The following NR3C2 variants were observed in gnomAD, a reference collection of about 807,000 sequenced individuals.
NR3C2 encodes nuclear receptor subfamily 3 group C member 2.
Under a neutral mutation model 86.4 loss-of-function variants are expected in NR3C2, and 15 were observed. That is an observed-to-expected ratio of 0.17 (90% CI 0.12 to 0.27). The LOEUF is 0.27. Ranked by LOEUF, NR3C2 falls within the 10% of genes least tolerant of loss-of-function variation. NR3C2 has a pLI of 1.00. For missense variants in NR3C2, 960 were observed against 1,195.6 expected, an observed-to-expected ratio of 0.80 and a Z score of 2.91; for synonymous variants, 458 against 450.5, an observed-to-expected ratio of 1.02 and a Z score of -0.21.
chr4:148,252,538 A>C (rs1213973739), intron 3 of NR3C2, among the ~76,000 whole-genome samples: 1 of 152,242 alleles, frequency 6.6e-6, no homozygotes. Context: ...TGGGAGAGTT[A>C]CTTTTTAAAT....
chr4:148,355,374 T>C (rs1745501894), intron 2 of NR3C2, among the ~76,000 whole-genome samples: 1 of 152,220 alleles, frequency 6.6e-6, no homozygotes, highest in Admixed American at 6.5e-5. Context: ...TTTATCATAA[T>C]GTTTCTGCCT....
At chr4:148,086,932 C>G (rs1364311039) in intron 8 of NR3C2, among the ~76,000 whole-genome samples, 1 of 152,144 alleles carries the variant, frequency 6.6e-6, no homozygotes, top group Non-Finnish European at 1.5e-5. Context: ...CCAGGGCAAT[C>G]AGGCAAGAGA....
chr4:148,326,891 TAGA>T (rs1432878762), intron 2 of NR3C2, among the ~76,000 whole-genome samples: 1 of 152,158 alleles, frequency 6.6e-6, no homozygotes, highest in Non-Finnish European at 1.5e-5. Context: ...TGTAAATTAA[TAGA>T]AAAGGAAAAT....
rs796627548 is a variant in NR3C2 at position 148,267,945 on chromosome 4, T to G, written c.1758-7828A>C. On this transcript the variant is annotated intron_variant, in intron 2 of 8. Coordinates refer to ENST00000358102, the MANE Select transcript of NR3C2 (RefSeq NM_000901.5). ...TTATATTTTGAGTCACAGTGTTTTTTTTTTTTTTTTTTGAGACGGAGTCTT... is the reference window on the plus strand; with the variant it reads ...TTATATTTTGAGTCACAGTGTTTTTGTTTTTTTTTTTTGAGACGGAGTCTT... Among the ~76,000 whole-genome samples the G allele has an allele frequency of 9.3e-5, 14 of 150,422 alleles. No homozygotes were observed. In the South Asian group the frequency reaches 1.7e-3, roughly 18 times the overall value.
intron 2 of NR3C2, among the ~76,000 whole-genome samples, chr4:148,263,792 A>ACCTTTAACATT (rs1740245182): frequency 6.6e-6 from 1 of 152,120 alleles, no homozygotes; most frequent in South Asian, 2.1e-4. Flanking sequence ...GTCCATCATT[A>ACCTTTAACATT]AAGGGCCCTG....
intron 6 of NR3C2, among the ~76,000 whole-genome samples, chr4:148,144,102 C>G (rs1228879621): frequency 6.6e-6 from 1 of 152,164 alleles, no homozygotes; most frequent in Non-Finnish European, 1.5e-5. Flanking sequence ...CTCGGAACTT[C>G]TCTCATTATG....
At chr4:148,392,533 A>C (rs1016206167) in intron 2 of NR3C2, among the ~76,000 whole-genome samples, 1 of 152,096 alleles carries the variant, frequency 6.6e-6, no homozygotes, top group African/African-American at 2.4e-5. Flanking sequence ...CGGCACTTGC[A>C]CTCACTGAGG....
chr4:148,266,101 G>C lies in NR3C2; in HGVS notation c.1758-5984C>G, dbSNP rs1740377120. On this transcript the variant is annotated intron_variant, in intron 2 of 8. Transcript: ENST00000358102. ...TTTTTTTTTTTTTTTTGAGACAAGAGTCTCGCTCTGTTGCAGGCTGGAGTG... is the reference window on the plus strand; with the variant it reads ...TTTTTTTTTTTTTTTTGAGACAAGACTCTCGCTCTGTTGCAGGCTGGAGTG... 2.2e-5 allele frequency among the ~76,000 whole-genome samples: 3 copies of C among 138,542 alleles called. No individual in the cohort carries two copies. In the Admixed American group the frequency reaches 2.3e-4, roughly 11 times the overall value. The allele number at this position is 138,542 out of a possible 152,430, so 90.9% of individuals were successfully genotyped here. A position where few individuals can be genotyped will look rare whatever the true frequency, so the allele number is the denominator to read the frequency against.
chr4:148,442,681 A>C (rs1275095894), upstream of NR3C2: 19 of 985,260 alleles, frequency 1.9e-5, no homozygotes, highest in Non-Finnish European at 2.2e-5. Flanking sequence ...GACATGACTG[A>C]TACAAAGTTG....
intron 2 of NR3C2, among the ~76,000 whole-genome samples, chr4:148,263,745 C>T (rs1407584398): frequency 1.3e-5 from 2 of 152,128 alleles, no homozygotes; most frequent in African/African-American, 4.8e-5. Context: ...TTTACAGGAC[C>T]TAGCATTTCC....
chr4:148,317,677 C>A (rs1743269843), intron 2 of NR3C2, among the ~76,000 whole-genome samples: 1 of 151,756 alleles, frequency 6.6e-6, no homozygotes, highest in Admixed American at 6.6e-5. Context: ...GAAAATACAT[C>A]CTAAATCATG....
At chr4:148,166,710 G>A (rs879036412) in intron 4 of NR3C2, among the ~76,000 whole-genome samples, 4 of 151,882 alleles carry the variant, frequency 2.6e-5, no homozygotes, top group Admixed American at 2.0e-4. Flanking sequence ...AAAGTTTAAC[G>A]TTAAAGGTTT....
At chr4:148,279,023 C>T (rs765983991) in intron 2 of NR3C2, among the ~76,000 whole-genome samples, 11 of 151,978 alleles carry the variant, frequency 7.2e-5, no homozygotes, top group Admixed American at 6.6e-5. Flanking sequence ...ATTAGCTGGG[C>T]GTGGTGGCAG....
At chr4:148,335,400 C>T (rs1216859280) in intron 2 of NR3C2, among the ~76,000 whole-genome samples, 4 of 152,112 alleles carry the variant, frequency 2.6e-5, no homozygotes, top group African/African-American at 7.2e-5. Context: ...AGGAATTTCT[C>T]GTAATGAGAA....
intron 2 of NR3C2, among the ~76,000 whole-genome samples, chr4:148,299,569 A>G (rs1314520152): frequency 2.0e-5 from 3 of 152,218 alleles, no homozygotes; most frequent in Non-Finnish European, 4.4e-5. Context: ...CCTGTGTGGC[A>G]GGCTGGCCAG....
chr4:148,442,743 G>T, upstream of NR3C2: 1 of 985,438 alleles, frequency 1.0e-6, no homozygotes. Flanking sequence ...GCCGCGGCGG[G>T]AGCTTGGGGT....
rs555852635 is a variant in NR3C2, at chr4:148,359,722, C to T, written c.1757+75382G>A. On this transcript the variant is annotated intron_variant, in intron 2 of 8. Transcript: ENST00000358102. ...GACCCCTTTGAGAAACACGTGCAAGCTGTGTACCCAGACTCTCCCATGTAG... is the reference window on the plus strand; with the variant it reads ...GACCCCTTTGAGAAACACGTGCAAGTTGTGTACCCAGACTCTCCCATGTAG... Among the ~76,000 whole-genome samples the T allele has an allele frequency of 3.3e-5, 5 of 152,254 alleles. No homozygotes were observed. The South Asian group carries it at 1.0e-3, about 32-fold the overall frequency.
At chr4:148,214,344 T>C (rs1022136259) in intron 3 of NR3C2, among the ~76,000 whole-genome samples, 3 of 152,186 alleles carry the variant, frequency 2.0e-5, no homozygotes, top group African/African-American at 7.2e-5. Flanking sequence ...AGGCAGTTTT[T>C]ATTGGTGTTT....
At chr4:148,240,245 T>G (rs1054908940) in intron 3 of NR3C2, among the ~76,000 whole-genome samples, 46 of 147,726 alleles carry the variant, frequency 3.1e-4, no homozygotes, top group African/African-American at 1.0e-3. Flanking sequence ...ATAAATTATA[T>G]ATATATTTAT....
Sources: gnomAD v4.1 joint callset for allele counts (sites outside exome capture counted in the v4.1 genomes callset) on GRCh38, gnomAD v4.1.1 for gene constraint, MANE v1.5 for transcripts, NCBI Gene and HGNC (gene_info 2026-07-23, HGNC 2026-07-21) for gene names.